The following CDH13 variants were observed in gnomAD, a reference collection of about 807,000 sequenced individuals.
CDH13 encodes the protein cadherin-13.
Under a neutral mutation model 63.8 loss-of-function variants are expected in CDH13, and 24 were observed. The ratio of observed to expected loss-of-function variants is 0.38; its 90% confidence interval spans 0.27 to 0.53. The LOEUF is 0.53. Among genes scored for constraint, CDH13 ranks in the 20% least tolerant of loss-of-function variants. CDH13 has a pLI of 0.85. For missense variants in CDH13, 1,049 were observed against 903.1 expected, an observed-to-expected ratio of 1.16 and a Z score of -2.07; for synonymous variants, 503 against 355.3, an observed-to-expected ratio of 1.42 and a Z score of -4.67.
intron 5 of CDH13, among the ~76,000 whole-genome samples, chr16:83,308,136 A>G (rs2089920837): frequency 6.6e-6 from 1 of 152,204 alleles, no homozygotes; most frequent in Non-Finnish European, 1.5e-5. Context: ...ACACATTTTT[A>G]TATTTCATTA....
At chr16:83,325,488 C>T (rs750467736) in intron 5 of CDH13, among the ~76,000 whole-genome samples, 37 of 152,258 alleles carry the variant, frequency 2.4e-4, no homozygotes, top group Middle Eastern at 3.4e-3. Context: ...TTAGGCCTTG[C>T]GAGTCATGCA....
chr16:83,090,682 C>G (rs997380814), intron 3 of CDH13, among the ~76,000 whole-genome samples: 1 of 152,058 alleles, frequency 6.6e-6, no homozygotes, highest in African/African-American at 2.4e-5. Context: ...CTGACTGACT[C>G]TCAAGTCTTC....
At chr16:83,059,073 C>A (rs971087573) in intron 3 of CDH13, among the ~76,000 whole-genome samples, 1 of 151,982 alleles carries the variant, frequency 6.6e-6, no homozygotes, top group African/African-American at 2.4e-5. Flanking sequence ...GAGAGGTGGT[C>A]CCAGGAAGCA....
At chr16:82,684,853 G>T (rs1391707855) in intron 1 of CDH13, among the ~76,000 whole-genome samples, 1 of 152,226 alleles carries the variant, frequency 6.6e-6, no homozygotes, top group African/African-American at 2.4e-5. Context: ...GCCTCCTTCT[G>T]AGAGCTGAGG....
intron 5 of CDH13, among the ~76,000 whole-genome samples, chr16:83,309,217 C>T (rs985936903): frequency 6.6e-6 from 1 of 152,128 alleles, no homozygotes; most frequent in African/African-American, 2.4e-5. Flanking sequence ...CAGTGGGCTC[C>T]AAAGGGATTT....
intron 6 of CDH13, among the ~76,000 whole-genome samples, chr16:83,379,829 A>G (rs1296456301): frequency 6.6e-6 from 1 of 151,704 alleles, no homozygotes; most frequent in Admixed American, 6.6e-5. Context: ...CAAAGGAATG[A>G]ACGAAATATT....
intron 2 of CDH13, among the ~76,000 whole-genome samples, chr16:82,971,162 G>C (rs1015146005): frequency 6.6e-6 from 1 of 152,124 alleles, no homozygotes; most frequent in Admixed American, 6.5e-5. Context: ...CTCACCCTTC[G>C]AATGCGATGA....
rs757253202 is a variant in CDH13, at chr16:83,344,954, G to A, written c.729G>A (p.Pro243=). The A allele has an allele frequency of 2.0e-5, 33 of 1,613,860 alleles. No individual in the cohort carries two copies. Among genetic ancestry groups the A allele is most frequent in the South Asian group, 3.3e-5 (3 of 91,076 alleles). The change falls in exon 6 of 14, where the codon CCG becomes CCA. Residue 243 remains proline, a synonymous_variant. Transcript: ENST00000567109. ...TGATTGATCAGAATGACAACCGACC[G>A]ATCTTTCGGGAAGGCCCCTACATCG... The part of the protein sequence containing the change: ...VIVIDQNDNR[P]IFREGPYIGH...
chr16:83,728,342 C>T lies in CDH13; in HGVS notation c.1539-19766C>T, dbSNP rs371389. On this transcript the variant is annotated intron_variant, in intron 10 of 13. Transcript: ENST00000567109. ...CTATGTGTGTATGTGTATGTGTGTG[C>T]GTGTGTGTGTGTGTGTGTGTTGTGA... is the stretch of plus-strand genomic sequence containing the variant. Among the ~76,000 whole-genome samples the T allele has an allele frequency of 2.7e-3, 398 of 149,320 alleles. 1 individual carries two copies. The highest frequency in any genetic ancestry group is 4.3e-3 in the East Asian group (22 of 5,084).
At chr16:82,872,613 G>A (rs573864689) in intron 2 of CDH13, among the ~76,000 whole-genome samples, 5 of 152,148 alleles carry the variant, frequency 3.3e-5, no homozygotes, top group Admixed American at 6.5e-5. Flanking sequence ...TAGTAATAGA[G>A]GTGCCCTCTA....
intron 6 of CDH13, among the ~76,000 whole-genome samples, chr16:83,409,381 A>C (rs536617397): frequency 2.6e-5 from 4 of 152,300 alleles, no homozygotes; most frequent in Admixed American, 2.6e-4. Flanking sequence ...GAAAGCCCTC[A>C]TGCAGCGACA....
intron 1 of CDH13, among the ~76,000 whole-genome samples, chr16:82,791,595 C>G (rs1436278266): frequency 6.6e-6 from 1 of 152,206 alleles, no homozygotes; most frequent in African/African-American, 2.4e-5. Flanking sequence ...CTTTCGCTCA[C>G]CATCCACCAC....
chr16:82,877,238 T>C (rs1317027978), intron 2 of CDH13, among the ~76,000 whole-genome samples: 3 of 152,228 alleles, frequency 2.0e-5, no homozygotes, highest in Admixed American at 1.3e-4. Context: ...AAGATGAGTT[T>C]ACTGAAATAA....
chr16:83,339,118 G>A (rs951737853), intron 5 of CDH13, among the ~76,000 whole-genome samples: 4 of 152,116 alleles, frequency 2.6e-5, no homozygotes, highest in African/African-American at 9.7e-5. Context: ...TGAGGGGGAT[G>A]GAGAGAAAAG....
At chr16:83,431,854 C>G (rs990056307) in intron 6 of CDH13, among the ~76,000 whole-genome samples, 9 of 152,202 alleles carry the variant, frequency 5.9e-5, no homozygotes, top group Non-Finnish European at 1.2e-4. Flanking sequence ...TTACTATTCA[C>G]TGTGAGATTT....
At chr16:82,633,849 C>T (rs573041887) in intron 1 of CDH13, among the ~76,000 whole-genome samples, 1 of 152,208 alleles carries the variant, frequency 6.6e-6, no homozygotes. Context: ...TCTGCCTCAT[C>T]CCATACCAGC....
chr16:83,283,912 T>C (rs2089245490), intron 5 of CDH13, among the ~76,000 whole-genome samples: 1 of 152,200 alleles, frequency 6.6e-6, no homozygotes, highest in Non-Finnish European at 1.5e-5. Flanking sequence ...ATTACATTTT[T>C]GTAATGTGTG....
At chr16:82,651,866 G>T (rs1373735337) in intron 1 of CDH13, among the ~76,000 whole-genome samples, 1 of 152,206 alleles carries the variant, frequency 6.6e-6, no homozygotes, top group Admixed American at 6.5e-5. Context: ...TTTAGGACGG[G>T]CTATTGACAT....
At chr16:83,014,245 A>T (rs1396725278) in intron 2 of CDH13, among the ~76,000 whole-genome samples, 2 of 151,122 alleles carry the variant, frequency 1.3e-5, no homozygotes, top group Non-Finnish European at 2.9e-5. Flanking sequence ...TCCAACCATC[A>T]GATTGGCCAA....
Sources: allele counts gnomAD v4.1 joint callset (sites outside exome capture counted in the v4.1 genomes callset), GRCh38; gene constraint gnomAD v4.1.1; transcripts MANE v1.5; gene names NCBI Gene and HGNC (gene_info 2026-07-23, HGNC 2026-07-21).